NUP35: variants seen among roughly 807,000 people sequenced by gnomAD.
NUP35 encodes the protein nucleoporin NUP35.
A neutral mutation model predicts 41.5 loss-of-function variants in NUP35; 25 were observed. The observed-to-expected ratio is 0.60, with a 90% confidence interval of 0.44 to 0.84. The LOEUF is 0.84. NUP35 is among the 40% of genes least tolerant of loss of function. The probability of loss-of-function intolerance (pLI) is 0.00; values close to 1 mark genes in which losing one functional copy is unlikely to be tolerated. For synonymous variants in NUP35, 149 were observed against 130.7 expected, an observed-to-expected ratio of 1.14 and a Z score of -0.96; for missense variants, 396 against 396.6, an observed-to-expected ratio of 1.00 and a Z score of 0.01.
At chr2:183,152,110 A>AAC (rs67798004) in intron 5 of NUP35, among the ~76,000 whole-genome samples, 2,995 of 113,356 alleles carry the variant, frequency 0.026, 74 homozygotes, top group African/African-American at 0.063. Flanking sequence ...AACATTTACA[A>AAC]ACACACACAC....
chr2:183,143,346 C>A (rs1685169266), intron 4 of NUP35, among the ~76,000 whole-genome samples: 1 of 151,344 alleles, frequency 6.6e-6, no homozygotes, highest in Non-Finnish European at 1.5e-5. Context: ...GCACTAAAAG[C>A]TATTTGGAAT....
chr2:183,157,397 A>G, intron 5 of NUP35, 47 bp from the exon 6 acceptor site: 1 of 1,336,948 alleles, frequency 7.5e-7, no homozygotes, highest in Non-Finnish European at 1.1e-6. Context: ...TTGCATTCAC[A>G]TTGATAGTAG....
In NUP35 at chr2:183,159,627, A is replaced by G. The variant is rs1338505643; in HGVS notation, c.878A>G (p.Tyr293Cys). The change falls in exon 8 of 9, where the codon TAC (tyrosine) becomes TGC (cysteine). Residue 293 changes from tyrosine to cysteine, a missense_variant. By Grantham distance (194) the Tyr-to-Cys change is radical. Transcript: ENST00000295119. ...ACCATGAGACCTCTTGCTACAGCATACAAAGCCTCTACTAGTGATTATCAG... is the reference window on the plus strand; with the variant it reads ...ACCATGAGACCTCTTGCTACAGCATGCAAAGCCTCTACTAGTGATTATCAG... ...ISTMRPLATA[Y>C]KASTSDYQVI... 3 of 1,613,190 alleles carry G rather than the reference A, an allele frequency of 1.9e-6. No homozygotes were observed. Among genetic ancestry groups the G allele is most frequent in the East Asian group, 2.2e-5 (1 of 44,810 alleles).
At chr2:183,121,190 T>A (rs1575107792), upstream of NUP35, among the ~76,000 whole-genome samples, 1 of 152,156 alleles carries the variant, frequency 6.6e-6, no homozygotes, top group Admixed American at 6.5e-5. Context: ...AGGAGGCAGG[T>A]CTAATTTGGC....
chr2:183,128,030 G>A (rs577325171), intron 1 of NUP35, among the ~76,000 whole-genome samples: 1 of 151,184 alleles, frequency 6.6e-6, no homozygotes, highest in South Asian at 2.1e-4. Context: ...CTGAGATTGC[G>A]CCACTGCACT....
At chr2:183,138,700 A>AT (rs1684980164) in intron 4 of NUP35, among the ~76,000 whole-genome samples, 1 of 151,542 alleles carries the variant, frequency 6.6e-6, no homozygotes, top group South Asian at 2.1e-4. Flanking sequence ...CTTCCTTTAT[A>AT]TTTTTTATTA....
rs147708102 is a variant in NUP35, at chr2:183,141,113, T to A, written c.397+7490T>A. Among the ~76,000 whole-genome samples the A allele has an allele frequency of 4.3e-4, 65 of 151,924 alleles. No homozygotes were observed. In the East Asian group the frequency reaches 0.012, roughly 27 times the overall value. ...TCTGGAGATTCTATGGACAATCAGC[T>A]TCCTTGTTTTTTTTTTTTTCCTCAG... On this transcript the variant is annotated intron_variant, in intron 4 of 8. Transcript: ENST00000295119.
At chr2:183,150,104 A>C (rs908363848) in intron 4 of NUP35, among the ~76,000 whole-genome samples, 1 of 152,114 alleles carries the variant, frequency 6.6e-6, no homozygotes, top group East Asian at 1.9e-4. Flanking sequence ...ATGGGGTTTC[A>C]CCATGTTGGC....
In NUP35 at chr2:183,133,657, A is replaced by G. The variant is rs752180665; in HGVS notation, c.397+34A>G. ...TTCTTTCTTTTTTTTTTTTTTTTTAAAAGACAGGGTCTGGCTCTGCTACCC... is the reference window on the plus strand; with the variant it reads ...TTCTTTCTTTTTTTTTTTTTTTTTAGAAGACAGGGTCTGGCTCTGCTACCC... On this transcript the variant is annotated intron_variant, in intron 4 of 8. Transcript: ENST00000295119. The G allele has an allele frequency of 4.2e-6, 6 of 1,424,962 alleles. No homozygotes were observed. The South Asian group carries it at 7.7e-5, about 18-fold the overall frequency. 88.3% of individuals were successfully genotyped at this position (1,424,962 alleles called of 1,614,324 possible).
At chr2:183,142,296 A>G (rs1685120092) in intron 4 of NUP35, among the ~76,000 whole-genome samples, 1 of 151,778 alleles carries the variant, frequency 6.6e-6, no homozygotes, top group Admixed American at 6.6e-5. Context: ...TATTTGTTTG[A>G]TAATTGCTTT....
At position 183,144,532 on chromosome 2, in the gene NUP35, G is replaced by C. The variant is rs868088182; in HGVS notation, c.398-6976G>C. ...CTCTTTTGTTTTCATTTAGGTTAGTGGTCTATTTTGAAATAATTGAATCTT... is the reference window on the plus strand; with the variant it reads ...CTCTTTTGTTTTCATTTAGGTTAGTCGTCTATTTTGAAATAATTGAATCTT... On this transcript the variant is annotated intron_variant, in intron 4 of 8. Transcript: ENST00000295119. Among the ~76,000 whole-genome samples, 58 of 152,078 alleles carry C rather than the reference G, an allele frequency of 3.8e-4. 1 individual carries two copies. The highest frequency in any genetic ancestry group is 8.5e-4 in the Admixed American group (13 of 15,266).
chr2:183,117,588 G>T (rs1700005987), exon 1 of NUP35: 1 of 152,164 alleles, frequency 6.6e-6, no homozygotes, highest in Non-Finnish European at 1.5e-5. Flanking sequence ...TCTTTCTGAA[G>T]ATGACAAACT....
At chr2:183,133,323 CTTT>C (rs33994337) in intron 3 of NUP35, among the ~76,000 whole-genome samples, 2,806 of 141,862 alleles carry the variant, frequency 0.02, 32 homozygotes, top group Non-Finnish European at 0.03. Flanking sequence ...AGAAGATAGT[CTTT>C]TTTTTTTTTT....
At chr2:183,117,670 T>G (rs1700007203) in intron 1 of NUP35, 1 of 152,192 alleles carries the variant, frequency 6.6e-6, no homozygotes, top group Non-Finnish European at 1.5e-5. Flanking sequence ...AAATTATTTG[T>G]TTTTGTTTTA....
intron 1 of NUP35, among the ~76,000 whole-genome samples, chr2:183,127,658 A>C (rs946399099): frequency 6.6e-6 from 1 of 152,250 alleles, no homozygotes; most frequent in African/African-American, 2.4e-5. Flanking sequence ...ATGTATAAGT[A>C]GTGCAGCCTG....
rs748708478 is a variant in NUP35, at chr2:183,158,299, A to G, written c.626A>G (p.Asn209Ser). ...TCTTTGCAGATGTCTAATACAGGAA[A>G]TTGGATGCATATTCGTTATCAATCT... ...ILKHVMSNTG[N>S]WMHIRYQSKL... The change falls in exon 7 of 9, where the codon AAT becomes AGT. Residue 209 changes from asparagine (N) to serine (S), a missense_variant. Transcript: ENST00000295119. 5.0e-6 allele frequency: 8 copies of G among 1,594,294 alleles called. No homozygotes were observed. The South Asian group carries it at 8.0e-5, about 16-fold the overall frequency.
At chr2:183,154,875 T>G (rs1008015309) in intron 5 of NUP35, among the ~76,000 whole-genome samples, 2 of 152,208 alleles carry the variant, frequency 1.3e-5, no homozygotes, top group African/African-American at 4.8e-5. Context: ...AGAGGTTTAA[T>G]TGGACTTACA....
intron 5 of NUP35, among the ~76,000 whole-genome samples, chr2:183,155,621 G>C: frequency 6.7e-6 from 1 of 148,784 alleles, no homozygotes; most frequent in East Asian, 2.0e-4. Flanking sequence ...ATCTAGGCTG[G>C]AGTGCAGTGG....
chr2:183,124,549 C>G (rs749899775), intron 1 of NUP35, 52 bp downstream of exon 1: 19 of 1,607,720 alleles, frequency 1.2e-5, no homozygotes, highest in Admixed American at 1.7e-5. Context: ...TGCTCTGGGC[C>G]TGGAGGCGGG....
Sources: gnomAD v4.1 joint callset for allele counts (sites outside exome capture counted in the v4.1 genomes callset) on GRCh38, gnomAD v4.1.1 for gene constraint, MANE v1.5 for transcripts, NCBI Gene and HGNC (gene_info 2026-07-23, HGNC 2026-07-21) for gene names.